The following GRIN3A variants were observed in gnomAD, a reference collection of about 807,000 sequenced individuals.
The protein encoded by GRIN3A is glutamate receptor ionotropic, NMDA 3A.
A neutral mutation model predicts 92.4 loss-of-function variants in GRIN3A; 47 were observed. That is an observed-to-expected ratio of 0.51 (90% CI 0.40 to 0.65). GRIN3A has a LOEUF of 0.65. GRIN3A is among the 30% of genes least tolerant of loss of function. The pLI is 0.00. For missense variants in GRIN3A, 1,324 were observed against 1,393.1 expected (o/e 0.95, Z 0.79); for synonymous variants, 527 against 540.6 (o/e 0.97, Z 0.35).
At chr9:101,692,904 T>C (rs1829638459) in intron 1 of GRIN3A, among the ~76,000 whole-genome samples, 1 of 152,128 alleles carries the variant, frequency 6.6e-6, no homozygotes, top group South Asian at 2.1e-4. Context: ...TAAGGTGTAG[T>C]CCCTGCCCAG....
At chr9:101,677,893 G>T (rs2118964797) in intron 2 of GRIN3A, among the ~76,000 whole-genome samples, 1 of 152,238 alleles carries the variant, frequency 6.6e-6, no homozygotes, top group Admixed American at 6.5e-5. Context: ...TAAAGTAGAA[G>T]AATTTGGCAG....
At chr9:101,613,591 A>C in intron 5 of GRIN3A, 64 bp from the exon 6 acceptor site, 1 of 1,531,310 alleles carries the variant, frequency 6.5e-7, no homozygotes, top group Non-Finnish European at 9.0e-7. Context: ...CCACCACAGT[A>C]CATATTTGTG....
intron 6 of GRIN3A, among the ~76,000 whole-genome samples, chr9:101,603,214 A>T (rs1828234588): frequency 6.6e-6 from 1 of 152,204 alleles, no homozygotes; most frequent in South Asian, 2.1e-4. Flanking sequence ...TGTAATGATA[A>T]GATGCTCCTG....
intron 6 of GRIN3A, chr9:101,594,093 CTTATTTTTGAACT>C: frequency 3.7e-6 from 1 of 269,246 alleles, no homozygotes; most frequent in Non-Finnish European, 7.0e-6. Flanking sequence ...TGTATACTTT[CTTATTTTTGAACT>C]TTTAAAGTTC....
At chr9:101,653,420 A>C (rs1829038576) in intron 3 of GRIN3A, among the ~76,000 whole-genome samples, 1 of 151,954 alleles carries the variant, frequency 6.6e-6, no homozygotes, top group Non-Finnish European at 1.5e-5. Flanking sequence ...TTATTGAACT[A>C]TGTTAATTAA....
intron 1 of GRIN3A, among the ~76,000 whole-genome samples, chr9:101,715,522 A>T (rs1829933715): frequency 6.6e-6 from 1 of 152,194 alleles, no homozygotes; most frequent in African/African-American, 2.4e-5. Flanking sequence ...CAACAAATTA[A>T]GAGTGATTGT....
At chr9:101,610,499 A>G (rs1481489185) in intron 6 of GRIN3A, among the ~76,000 whole-genome samples, 5 of 152,018 alleles carry the variant, frequency 3.3e-5, no homozygotes, top group African/African-American at 1.2e-4. Context: ...AACCCATCCT[A>G]TGTTTCTTTT....
chr9:101,628,995 T>C (rs927179823), intron 3 of GRIN3A, among the ~76,000 whole-genome samples: 4 of 150,250 alleles, frequency 2.7e-5, no homozygotes, highest in Non-Finnish European at 1.5e-5. Context: ...ACCCTAAAAA[T>C]GATTAAGAAC....
At chr9:101,725,097 T>C (rs528121120) in intron 1 of GRIN3A, among the ~76,000 whole-genome samples, 1 of 152,314 alleles carries the variant, frequency 6.6e-6, no homozygotes, top group African/African-American at 2.4e-5. Flanking sequence ...TTTTGTGAAT[T>C]AATGCTGTAG....
intron 6 of GRIN3A, among the ~76,000 whole-genome samples, chr9:101,604,252 A>G (rs929877847): frequency 2.6e-5 from 4 of 152,218 alleles, no homozygotes; most frequent in East Asian, 3.9e-4. Context: ...AGAAAAGGGA[A>G]AGAAAGACAG....
chr9:101,624,909 T>C (rs138453910), intron 4 of GRIN3A, among the ~76,000 whole-genome samples: 1 of 152,314 alleles, frequency 6.6e-6, no homozygotes, highest in East Asian at 1.9e-4. Context: ...ATCATTCTTA[T>C]TGGCTAGGTG....
chr9:101,587,309 C>CAA (rs113147915), intron 6 of GRIN3A, among the ~76,000 whole-genome samples: 145 of 99,788 alleles, frequency 1.5e-3, no homozygotes, highest in African/African-American at 3.0e-3. Flanking sequence ...GACTCCATCT[C>CAA]AAAAAAAAAA....
chr9:101,657,574 A>T (rs10819972), intron 3 of GRIN3A, among the ~76,000 whole-genome samples: 322 of 151,786 alleles, frequency 2.1e-3, no homozygotes, highest in African/African-American at 7.5e-3. Flanking sequence ...TAACAGTGGG[A>T]ATATTAATTG....
In GRIN3A at chr9:101,724,416, GC is replaced by G. The variant is rs1184530451; in HGVS notation, c.699+12864del. Among the ~76,000 whole-genome samples, 4 of 152,148 alleles carry G rather than the reference GC, an allele frequency of 2.6e-5. No individual in the cohort carries two copies. The East Asian group carries it at 7.8e-4, about 29-fold the overall frequency. Reference sequence around the variant, plus strand: ...GCCGGCCCGCTGCTCCGAGTGCGGGGCCCGCCAAGCCCACGCCCACCCAGAA... The same window carrying G: ...GCCGGCCCGCTGCTCCGAGTGCGGGGCCGCCAAGCCCACGCCCACCCAGAA... On this transcript the variant is annotated intron_variant, in intron 1 of 8. Coordinates refer to ENST00000361820, the MANE Select transcript of GRIN3A (RefSeq NM_133445.3).
Position 101,614,608 on chromosome 9 carries a change from ACTTTTTTTTTTTT to A in GRIN3A, c.2615-1094_2615-1082del, listed in dbSNP as rs1230856461. 3.7e-3 allele frequency among the ~76,000 whole-genome samples: 474 copies of A among 128,404 alleles called. 5 individuals are homozygous for A. The highest frequency in any genetic ancestry group is 0.013 in the African/African-American group (440 of 33,198). The allele number at this position is 128,404 out of a possible 152,430, so 84.2% of individuals were successfully genotyped here. A position where few individuals can be genotyped will look rare whatever the true frequency, so the allele number is the denominator to read the frequency against. On this transcript the variant is annotated intron_variant, in intron 5 of 8. Coordinates refer to ENST00000361820, the MANE Select transcript of GRIN3A (RefSeq NM_133445.3). ...ACATATATATGCATATATATGTGAT[ACTTTTTTTTTTTT>A]TTTTTTTTTTTTTTTGGAGACAGGG...
chr9:101,614,720 A>C lies in GRIN3A; in HGVS notation c.2615-1193T>G, dbSNP rs575413352. ...CTGCAACCTTGACCTCCTGGGCTCA[A>C]GTGATCCTCCCGGCTCAGCCCCCCA... On this transcript the variant is annotated intron_variant, in intron 5 of 8. Transcript: ENST00000361820. Among the ~76,000 whole-genome samples, 299 of 147,164 alleles carry C rather than the reference A, an allele frequency of 2.0e-3. 3 individuals carry two copies. Among genetic ancestry groups the C allele is most frequent in the African/African-American group, 7.3e-3 (291 of 39,598 alleles).
chr9:101,653,002 C>T (rs1413049527), intron 3 of GRIN3A, among the ~76,000 whole-genome samples: 2 of 151,914 alleles, frequency 1.3e-5, no homozygotes, highest in East Asian at 3.9e-4. Context: ...TTTGACTCAG[C>T]CCAAGGAGAT....
At chr9:101,719,889 C>T (rs990866926) in intron 1 of GRIN3A, among the ~76,000 whole-genome samples, 3 of 152,188 alleles carry the variant, frequency 2.0e-5, no homozygotes, top group Non-Finnish European at 4.4e-5. Context: ...CCAAGTGTCT[C>T]TTATTCTCAT....
chr9:101,699,908 A>C (rs1299447332), intron 1 of GRIN3A, among the ~76,000 whole-genome samples: 1 of 152,132 alleles, frequency 6.6e-6, no homozygotes, highest in Non-Finnish European at 1.5e-5. Context: ...TTCTCTGCCC[A>C]GAACTTGCTT....
Sources: gnomAD v4.1 joint callset for allele counts (sites outside exome capture counted in the v4.1 genomes callset) on GRCh38, gnomAD v4.1.1 for gene constraint, MANE v1.5 for transcripts, NCBI Gene and HGNC (gene_info 2026-07-23, HGNC 2026-07-21) for gene names.